The following PDZD2 variants were observed in gnomAD, a reference collection of about 807,000 sequenced individuals.
PDZD2 encodes the protein PDZ domain containing 2, also known as PDZ domain-containing protein 2.
In PDZD2, 90 loss-of-function variants were observed where a neutral mutation model predicts 220.7. That is an observed-to-expected ratio of 0.41 (90% CI 0.34 to 0.49). The LOEUF is 0.49. Among genes scored for constraint, PDZD2 ranks in the 20% least tolerant of loss-of-function variants. The pLI is 0.28. For missense variants in PDZD2, 3,174 were observed against 3,608.5 expected (o/e 0.88, Z 3.08); for synonymous variants, 1,375 against 1,450.5 (o/e 0.95, Z 1.18).
At chr5:31,705,643 T>G (rs1348951785) in intron 1 of PDZD2, among the ~76,000 whole-genome samples, 2 of 152,224 alleles carry the variant, frequency 1.3e-5, no homozygotes, top group Non-Finnish European at 2.9e-5. Context: ...TTGGAAATAC[T>G]GTCAAATACA....
chr5:31,967,815 A>T (rs1319770098), intron 2 of PDZD2, among the ~76,000 whole-genome samples: 1 of 152,192 alleles, frequency 6.6e-6, no homozygotes, highest in African/African-American at 2.4e-5. Context: ...GCCCCCTGTG[A>T]TAGGAAATAC....
chr5:31,846,651 G>A (rs1242534013), intron 2 of PDZD2, among the ~76,000 whole-genome samples: 2 of 152,226 alleles, frequency 1.3e-5, no homozygotes, highest in African/African-American at 4.8e-5. Context: ...GGATAGAATT[G>A]TCATTGTTTA....
intron 2 of PDZD2, among the ~76,000 whole-genome samples, chr5:31,865,636 T>C (rs1437863593): frequency 7.7e-6 from 1 of 129,966 alleles, no homozygotes; most frequent in East Asian, 2.2e-4. Flanking sequence ...TTTTTTTTTT[T>C]TTTTTTTTTT....
chr5:31,742,859 G>C (rs1256665288), intron 1 of PDZD2, among the ~76,000 whole-genome samples: 1 of 152,176 alleles, frequency 6.6e-6, no homozygotes, highest in Non-Finnish European at 1.5e-5. Context: ...AAAGCATTTG[G>C]CTTACCAACT....
At chr5:31,725,593 T>A in intron 1 of PDZD2, 6 of 1,498,086 alleles carry the variant, frequency 4.0e-6, no homozygotes, top group Non-Finnish European at 5.6e-6. Context: ...AGACCTAGAC[T>A]ATGATCTTGA....
chr5:31,774,115 C>G (rs979523147), intron 1 of PDZD2, among the ~76,000 whole-genome samples: 1 of 152,106 alleles, frequency 6.6e-6, no homozygotes, highest in Non-Finnish European at 1.5e-5. Context: ...CAGCTCACCC[C>G]AGCCCTAAGC....
intron 6 of PDZD2, among the ~76,000 whole-genome samples, chr5:32,021,257 G>A (rs557689980): frequency 3.3e-5 from 5 of 150,414 alleles, no homozygotes; most frequent in African/African-American, 1.2e-4. Flanking sequence ...TGCTTGCCTT[G>A]ATTTTTTTTT....
intron 1 of PDZD2, among the ~76,000 whole-genome samples, chr5:31,772,763 G>A (rs1752409342): frequency 6.6e-6 from 1 of 152,200 alleles, no homozygotes; most frequent in South Asian, 2.1e-4. Flanking sequence ...AGACATTTGT[G>A]CCTGGAGGGC....
intron 1 of PDZD2, among the ~76,000 whole-genome samples, chr5:31,761,217 A>G (rs1451425878): frequency 6.6e-6 from 1 of 152,216 alleles, no homozygotes; most frequent in Non-Finnish European, 1.5e-5. Flanking sequence ...AAGCAACCAC[A>G]GTGAAAAGTC....
In PDZD2 at chr5:31,936,566, TA is replaced by T. The variant is rs11378684; in HGVS notation, c.477-46576del. On this transcript the variant is annotated intron_variant, in intron 2 of 24. Transcript: ENST00000438447. ...GACAGTTTTATTCTGAGAGTTGCTT[TA>T]AAAAAAAAAAAAGAAAAAAAGCATG... 4.8e-3 allele frequency among the ~76,000 whole-genome samples: 702 copies of T among 144,752 alleles called. 2 individuals are homozygous for T. Among genetic ancestry groups the T allele is most frequent in the Non-Finnish European group, 5.1e-3 (338 of 65,956 alleles). The allele number at this position is 144,752 out of a possible 152,430, so 95.0% of individuals were successfully genotyped here. A position where few individuals can be genotyped will look rare whatever the true frequency, so the allele number is the denominator to read the frequency against.
chr5:31,869,513 A>G (rs576977243), intron 2 of PDZD2, among the ~76,000 whole-genome samples: 119 of 152,224 alleles, frequency 7.8e-4, no homozygotes, highest in Admixed American at 1.6e-3. Context: ...GCAGTGAGCC[A>G]AGATCACGCC....
At chr5:32,012,365 G>A (rs551023862) in intron 6 of PDZD2, among the ~76,000 whole-genome samples, 3 of 152,198 alleles carry the variant, frequency 2.0e-5, no homozygotes, top group East Asian at 3.9e-4. Context: ...TTACAAGCAC[G>A]CATATTTTTT....
rs1580827352 is a variant in PDZD2, at chr5:31,822,982, T to A, written c.476+23258T>A. On this transcript the variant is annotated intron_variant, in intron 2 of 24. Transcript: ENST00000438447. ...CCATTTGTCAACCCGGGGCCTCTTT[T>A]TTTTCTTTCCGAGAAGACTGAGTTC... The A allele has an allele frequency of 8.5e-6, 10 of 1,172,576 alleles. No homozygotes were observed. The East Asian group carries it at 3.4e-4, about 39-fold the overall frequency. The allele number at this position is 1,172,576 out of a possible 1,614,324, so 72.6% of individuals were successfully genotyped here.
chr5:31,990,538 G>T (rs545179044), intron 3 of PDZD2, among the ~76,000 whole-genome samples: 1 of 152,256 alleles, frequency 6.6e-6, no homozygotes, highest in South Asian at 2.1e-4. Context: ...ACTGGACCAG[G>T]GTTCACACAA....
chr5:31,758,572 G>A (rs972762396), intron 1 of PDZD2, among the ~76,000 whole-genome samples: 7 of 152,154 alleles, frequency 4.6e-5, no homozygotes, highest in African/African-American at 1.2e-4. Context: ...CTACTCTCAC[G>A]CTCGGGCCCT....
chr5:32,090,094 C>T lies in PDZD2; in HGVS notation c.6646C>T (p.Pro2216Ser), dbSNP rs1742952421. 6.2e-7 allele frequency: 1 copy of T among 1,613,736 alleles called. No individual in the cohort carries two copies. The highest frequency in any genetic ancestry group is 1.7e-5 in the Admixed American group (1 of 60,008). ...GGGGGAGGACCATCTCTACTTCACC[C>T]CAAGGCCAGCGACCAGGACCTACTC... The part of the protein sequence containing the change: ...PSGEDHLYFT[P>S]RPATRTYSMP... The change falls in exon 20 of 25, where the codon CCA becomes TCA. Residue 2216 changes from proline to serine, a missense_variant. Coordinates refer to ENST00000438447, the MANE Select transcript of PDZD2 (RefSeq NM_178140.4). This position sits in a 1 kb window ranked among gnomAD's most constrained non-coding sequence, Gnocchi z 4.3.
chr5:31,641,941 G>A (rs1415379853), intron 1 of PDZD2, among the ~76,000 whole-genome samples: 2 of 152,056 alleles, frequency 1.3e-5, no homozygotes, highest in African/African-American at 4.8e-5. Flanking sequence ...AGAGGCAGAG[G>A]GAACACCCCA....
At chr5:31,875,758 A>G (rs2150329369) in intron 2 of PDZD2, among the ~76,000 whole-genome samples, 1 of 151,310 alleles carries the variant, frequency 6.6e-6, no homozygotes, top group Non-Finnish European at 1.5e-5. Context: ...GCAGTGATTA[A>G]CATGGTCTTG....
In PDZD2 at chr5:32,023,950, C is replaced by T. The variant is rs1195673824; in HGVS notation, c.1408-13281C>T. On this transcript the variant is annotated intron_variant, in intron 6 of 24. Coordinates refer to ENST00000438447, the MANE Select transcript of PDZD2 (RefSeq NM_178140.4). ...CTGTCTTGCTCTGTCCCGCCTGGGA[C>T]GTGAATCACCCCTTCATCCAGTTTA... Among the ~76,000 whole-genome samples the T allele has an allele frequency of 4.6e-5, 7 of 152,264 alleles. 1 individual carries two copies. The South Asian group carries it at 1.0e-3, about 23-fold the overall frequency.
Sources: gnomAD v4.1 joint callset for allele counts (sites outside exome capture counted in the v4.1 genomes callset) on GRCh38, gnomAD v4.1.1 for gene constraint, Gnocchi (gnomAD v3.1) non-coding constraint, MANE v1.5 for transcripts, NCBI Gene and HGNC (gene_info 2026-07-23, HGNC 2026-07-21) for gene names.